The following PTPRM variants were observed in gnomAD, a reference collection of about 807,000 sequenced individuals.
PTPRM encodes the protein receptor-type tyrosine-protein phosphatase mu.
PTPRM carries 47 observed loss-of-function variants against 186.7 expected under a neutral mutation model. The ratio of observed to expected loss-of-function variants is 0.25; its 90% CI spans 0.20 to 0.32. The LOEUF (loss-of-function observed/expected upper bound fraction) is 0.32, where lower values mean the gene tolerates loss of function less well. Among genes scored for constraint, PTPRM ranks in the 10% least tolerant of loss-of-function variants. PTPRM has a pLI of 1.00. For synonymous variants in PTPRM, 668 were observed against 674.9 expected (o/e 0.99, Z 0.16); for missense variants, 1,494 against 1,865.0 (o/e 0.80, Z 3.66).
intron 19 of PTPRM, among the ~76,000 whole-genome samples, chr18:8,292,073 G>A (rs946669121): frequency 7.2e-5 from 11 of 152,298 alleles, no homozygotes; most frequent in Admixed American, 5.2e-4. Context: ...TGTTAGCCAG[G>A]AAAGCAACCA....
intron 14 of PTPRM, among the ~76,000 whole-genome samples, chr18:8,202,921 C>T (rs930203223): frequency 6.6e-6 from 1 of 152,182 alleles, no homozygotes; most frequent in Non-Finnish European, 1.5e-5. Flanking sequence ...CTCCACAGGC[C>T]TCCTCTTCTT....
intron 2 of PTPRM, among the ~76,000 whole-genome samples, chr18:7,778,582 C>T (rs967768834): frequency 6.6e-5 from 10 of 152,076 alleles, no homozygotes; most frequent in African/African-American, 2.2e-4. Flanking sequence ...CTGGTTCAAG[C>T]GATTCTCCTG....
intron 2 of PTPRM, among the ~76,000 whole-genome samples, chr18:7,853,974 A>G (rs2046981980): frequency 6.6e-6 from 1 of 152,210 alleles, no homozygotes; most frequent in Non-Finnish European, 1.5e-5. Flanking sequence ...GAGCCATAAA[A>G]TTCTCTGTAT....
At chr18:8,307,373 G>T (rs1443252660) in intron 20 of PTPRM, among the ~76,000 whole-genome samples, 1 of 152,200 alleles carries the variant, frequency 6.6e-6, no homozygotes, top group Non-Finnish European at 1.5e-5. Flanking sequence ...CCTTTCTTGA[G>T]ACTTACCCCA....
chr18:8,190,883 T>C (rs1032525509), intron 14 of PTPRM, among the ~76,000 whole-genome samples: 6 of 152,092 alleles, frequency 3.9e-5, no homozygotes, highest in African/African-American at 1.4e-4. Context: ...TTCCTCTTAA[T>C]AAAAAAAATT....
intron 1 of PTPRM, among the ~76,000 whole-genome samples, chr18:7,667,843 A>G (rs2039131953): frequency 6.6e-6 from 1 of 152,208 alleles, no homozygotes; most frequent in Non-Finnish European, 1.5e-5. Context: ...ACTGCATGCT[A>G]CTTAATAAAT....
chr18:7,996,754 T>C (rs1200534483), intron 7 of PTPRM, among the ~76,000 whole-genome samples: 1 of 147,268 alleles, frequency 6.8e-6, no homozygotes, highest in Non-Finnish European at 1.5e-5. Flanking sequence ...CAGCAAACAA[T>C]CTGAAAATGA....
intron 2 of PTPRM, 185 bp from the exon 3 acceptor site, chr18:7,887,921 A>C (rs1007855317): frequency 1.3e-5 from 10 of 786,930 alleles, no homozygotes; most frequent in South Asian, 8.1e-5. Flanking sequence ...CACTCTTGAG[A>C]ACATATAGGG....
intron 2 of PTPRM, among the ~76,000 whole-genome samples, chr18:7,834,491 T>TACACACACACACATACAC (rs1555613393): frequency 3.5e-5 from 3 of 84,606 alleles, no homozygotes; most frequent in Non-Finnish European, 7.0e-5. Flanking sequence ...TATACAAGTA[T>TACACACACACACATACAC]ACACACACAC....
intron 14 of PTPRM, among the ~76,000 whole-genome samples, chr18:8,148,480 G>T (rs528389287): frequency 6.6e-6 from 1 of 152,148 alleles, no homozygotes; most frequent in Admixed American, 6.5e-5. Context: ...TATTTCTGTG[G>T]GATCAGTGGT....
intron 20 of PTPRM, among the ~76,000 whole-genome samples, chr18:8,312,561 A>G (rs1018045927): frequency 6.6e-6 from 1 of 152,092 alleles, no homozygotes; most frequent in African/African-American, 2.4e-5. Context: ...AGGCTTTTTT[A>G]TGATCTCTTT....
intron 14 of PTPRM, among the ~76,000 whole-genome samples, chr18:8,184,496 A>G (rs1374950582): frequency 1.3e-5 from 2 of 152,130 alleles, no homozygotes; most frequent in Admixed American, 6.5e-5. Flanking sequence ...ACCCCACTGG[A>G]CTGTTGGGTG....
In PTPRM at chr18:7,658,359, T is replaced by C. The variant is rs925080976; in HGVS notation, c.73+90468T>C. Among the ~76,000 whole-genome samples, 149 of 136,634 alleles carry C rather than the reference T, an allele frequency of 1.1e-3. 1 individual carries two copies. The highest frequency in any genetic ancestry group is 3.7e-3 in the Middle Eastern group (1 of 270). The allele number at this position is 136,634 out of a possible 152,430, so 89.6% of individuals were successfully genotyped here. On this transcript the variant is annotated intron_variant, in intron 1 of 32. Transcript: ENST00000580170. ...ATATATATATATATATATATATATA[T>C]ACATACACACACACACACGCTATAA...
intron 11 of PTPRM, among the ~76,000 whole-genome samples, chr18:8,108,642 A>G (rs2091627679): frequency 6.6e-6 from 1 of 152,228 alleles, no homozygotes; most frequent in South Asian, 2.1e-4. Flanking sequence ...GTTCTTTTCT[A>G]GATTATACTT....
intron 22 of PTPRM, among the ~76,000 whole-genome samples, chr18:8,341,814 C>G (rs1385426753): frequency 6.6e-6 from 1 of 152,170 alleles, no homozygotes; most frequent in Non-Finnish European, 1.5e-5. Context: ...CAAGCCAGAA[C>G]TGTAGTGATT....
chr18:7,972,132 T>TA (rs1260331326), intron 7 of PTPRM, among the ~76,000 whole-genome samples: 67 of 111,186 alleles, frequency 6.0e-4, no homozygotes, highest in African/African-American at 7.0e-4. Context: ...TATGCAGCCA[T>TA]AAAAAATGAT....
At chr18:8,256,578 G>T (rs1365610711) in intron 19 of PTPRM, among the ~76,000 whole-genome samples, 3 of 152,224 alleles carry the variant, frequency 2.0e-5, no homozygotes, top group Non-Finnish European at 4.4e-5. Context: ...TGAGGTTTCA[G>T]TAAAACTCTC....
At chr18:7,765,757 A>G (rs1451438035) in intron 1 of PTPRM, among the ~76,000 whole-genome samples, 1 of 152,156 alleles carries the variant, frequency 6.6e-6, no homozygotes, top group East Asian at 1.9e-4. Flanking sequence ...TGCCTTCTCT[A>G]TTGAGAGACC....
intron 13 of PTPRM, among the ~76,000 whole-genome samples, chr18:8,138,662 G>A (rs753457769): frequency 2.0e-4 from 30 of 152,136 alleles, no homozygotes; most frequent in Non-Finnish European, 2.9e-4. Flanking sequence ...CTGCGTGTGT[G>A]GCTTTCTGCT....
Sources: allele counts gnomAD v4.1 joint callset (sites outside exome capture counted in the v4.1 genomes callset), GRCh38; gene constraint gnomAD v4.1.1; transcripts MANE v1.5; gene names NCBI Gene and HGNC (gene_info 2026-07-23, HGNC 2026-07-21).